The following REV3L variants were observed in gnomAD, a reference collection of about 807,000 sequenced individuals.
REV3L encodes REV3 like, DNA directed polymerase zeta catalytic subunit.
REV3L carries 69 observed loss-of-function variants against 299.4 expected under a neutral mutation model. The ratio of observed to expected loss-of-function variants is 0.23; its 90% CI spans 0.19 to 0.28. REV3L has a LOEUF of 0.28. Among genes scored for constraint, REV3L ranks in the 10% least tolerant of loss-of-function variants. REV3L has a pLI of 1.00. For missense variants in REV3L, 3,128 were observed against 3,693.8 expected, an observed-to-expected ratio of 0.85 and a Z score of 3.97; for synonymous variants, 1,238 against 1,271.4, an observed-to-expected ratio of 0.97 and a Z score of 0.56.
At position 111,375,438 on chromosome 6, in the gene REV3L, G is replaced by A. The variant is rs759498718; in HGVS notation, c.2917C>T (p.Pro973Ser). The change falls in exon 13 of 32, where the codon CCT (proline) becomes TCT (serine). Residue 973 changes from proline (P) to serine (S), a missense_variant. Pro to Ser is a moderately conservative substitution (Grantham distance 74). Transcript: ENST00000368802. ...ATAATAATATACTTTATGATGACAGGGGGCAGCTTTTTAGACATTTTTCTT... is the reference window on the plus strand; with the variant it reads ...ATAATAATATACTTTATGATGACAGAGGGCAGCTTTTTAGACATTTTTCTT... ...KRRKMSKKLP[P>S]VIIKYIIINR... 14 of 1,599,800 alleles carry A rather than the reference G, an allele frequency of 8.8e-6. No individual in the cohort carries two copies. The highest frequency in any genetic ancestry group is 9.4e-6 in the Non-Finnish European group (11 of 1,175,974).
At chr6:111,380,652 A>G (rs1477564718) in intron 10 of REV3L, among the ~76,000 whole-genome samples, 1 of 152,258 alleles carries the variant, frequency 6.6e-6, no homozygotes, top group East Asian at 1.9e-4. Flanking sequence ...GTTGGTACAA[A>G]GGCTCAGGTG....
At chr6:111,469,580 A>G (rs1791934033) in intron 1 of REV3L, among the ~76,000 whole-genome samples, 5 of 152,180 alleles carry the variant, frequency 3.3e-5, no homozygotes. Flanking sequence ...TGGCCTATGG[A>G]CAACAGAAAA....
chr6:111,346,131 T>C (rs1173837062), intron 20 of REV3L, among the ~76,000 whole-genome samples: 1 of 152,162 alleles, frequency 6.6e-6, no homozygotes, highest in Non-Finnish European at 1.5e-5. Flanking sequence ...TTCCTGTCTG[T>C]TACTATACTC....
At chr6:111,444,041 G>A (rs1788571988) in intron 1 of REV3L, among the ~76,000 whole-genome samples, 1 of 152,132 alleles carries the variant, frequency 6.6e-6, no homozygotes, top group Non-Finnish European at 1.5e-5. Context: ...TATAAAATAT[G>A]GGCAAACAAC....
intron 1 of REV3L, among the ~76,000 whole-genome samples, chr6:111,435,303 A>G (rs1787423990): frequency 6.6e-6 from 1 of 152,238 alleles, no homozygotes; most frequent in African/African-American, 2.4e-5. Flanking sequence ...CAGAAATAGA[A>G]AAAACAATCC....
intron 1 of REV3L, among the ~76,000 whole-genome samples, chr6:111,425,378 G>A (rs1786052556): frequency 1.3e-5 from 2 of 152,276 alleles, no homozygotes; most frequent in Admixed American, 1.3e-4. Flanking sequence ...AGAATGGCAC[G>A]AACCCGGCAG....
intron 26 of REV3L, among the ~76,000 whole-genome samples, chr6:111,318,370 C>T (rs921526703): frequency 3.3e-5 from 5 of 151,866 alleles, no homozygotes; most frequent in Admixed American, 2.6e-4. Context: ...GGATGGTCTC[C>T]ATCTGCCCGC....
chr6:111,364,680 T>C (rs965404672), intron 15 of REV3L, among the ~76,000 whole-genome samples: 1 of 152,022 alleles, frequency 6.6e-6, no homozygotes, highest in Non-Finnish European at 1.5e-5. Context: ...GTGGCCAATA[T>C]ATAAGTGATT....
At chr6:111,423,027 G>A in intron 1 of REV3L, among the ~76,000 whole-genome samples, 1 of 151,982 alleles carries the variant, frequency 6.6e-6, no homozygotes, top group East Asian at 1.9e-4. Context: ...ATGTGTCTTT[G>A]TATATACAGT....
rs142296789 is a variant in REV3L, at chr6:111,356,725, C to T, written c.7184+289G>A. ...CATTATTTCAGCACCACAGAAAAAC[C>T]AACCTCAAGTACAACTGGGAAGTTA... On this transcript the variant is annotated intron_variant, in intron 18 of 31. Transcript: ENST00000368802. 2.7e-3 allele frequency: 473 copies of T among 178,190 alleles called. 2 individuals are homozygous for T. Among genetic ancestry groups the T allele is most frequent in the African/African-American group, 0.01 (441 of 42,644 alleles). 11.0% of individuals were successfully genotyped at this position (178,190 alleles called of 1,614,324 possible).
chr6:111,353,080 A>G (rs562664525), intron 18 of REV3L, among the ~76,000 whole-genome samples: 30 of 152,324 alleles, frequency 2.0e-4, no homozygotes, highest in African/African-American at 7.0e-4. Context: ...GTTTTACATA[A>G]CTACTCATGA....
chr6:111,312,122 C>A (rs1480478317), intron 28 of REV3L: 1 of 152,136 alleles, frequency 6.6e-6, no homozygotes, highest in African/African-American at 2.4e-5. Context: ...TAAGTTAGTT[C>A]TAGGTGAAAG....
At chr6:111,439,576 T>G (rs1232948453) in intron 1 of REV3L, among the ~76,000 whole-genome samples, 1 of 152,236 alleles carries the variant, frequency 6.6e-6, no homozygotes, top group Non-Finnish European at 1.5e-5. Context: ...CCTCATGAGC[T>G]GCATGAAAAC....
Position 111,308,504 on chromosome 6 carries a change from T to C in REV3L, c.9043-934A>G, listed in dbSNP as rs537554124. On this transcript the variant is annotated intron_variant, in intron 30 of 31. Coordinates refer to ENST00000368802, the MANE Select transcript of REV3L (RefSeq NM_001372078.1). ...AAAAACAGAATGGTTGTATGGGTAC[T>C]TGAACTACGGTTTCTACAGAAGGCA... Among the ~76,000 whole-genome samples the C allele has an allele frequency of 7.9e-5, 12 of 152,344 alleles. No homozygotes were observed. The East Asian group carries it at 1.7e-3, about 22-fold the overall frequency.
chr6:111,433,005 A>G (rs925124826), intron 1 of REV3L, among the ~76,000 whole-genome samples: 1 of 152,224 alleles, frequency 6.6e-6, no homozygotes, highest in Non-Finnish European at 1.5e-5. Flanking sequence ...ACCAAAGGAA[A>G]TGAAAACACA....
rs139522548 is a variant in REV3L, at chr6:111,375,409, A to G, written c.2946T>C (p.Asn982=). ...GCATATTTTTTCTCCCTCTAAATCT[A>G]TTAATAATAATATACTTTATGATGA... ...PPVIIKYIII[N]RFRGRKNMLV... The change falls in exon 13 of 32, where the codon AAT becomes AAC. Residue 982 remains asparagine (N), a synonymous_variant. Transcript: ENST00000368802. 208 of 1,596,720 alleles carry G rather than the reference A, an allele frequency of 1.3e-4. No individual in the cohort carries two copies. In the African/African-American group the frequency reaches 2.6e-3, roughly 20 times the overall value.
upstream of REV3L, chr6:111,483,639 G>A (rs1423259602): frequency 9.2e-6 from 4 of 433,158 alleles, no homozygotes; most frequent in East Asian, 9.1e-5. Context: ...GGAGGCGGGG[G>A]CAGCCGCTGA....
Position 111,299,042 on chromosome 6 carries a change from A to ATAT in REV3L, c.*971_*973dup, listed in dbSNP as rs992898293. On this transcript the variant is annotated 3_prime_UTR_variant, in exon 32 of 32. Transcript: ENST00000368802. ...TGAAGTCACACTGCTATATTATTTT[A>ATAT]TATTTTATTCAATTTTAATATGGTT... 6.6e-6 allele frequency: 1 copy of ATAT among 152,428 alleles called. No individual in the cohort carries two copies. The highest frequency in any genetic ancestry group is 6.6e-5 in the Admixed American group (1 of 15,260). The allele number at this position is 152,428 out of a possible 1,614,324, so 9.4% of individuals were successfully genotyped here.
chr6:111,417,945 C>T (rs1784937958), intron 1 of REV3L, among the ~76,000 whole-genome samples: 1 of 152,158 alleles, frequency 6.6e-6, no homozygotes, highest in African/African-American at 2.4e-5. Flanking sequence ...TTTCTAAATA[C>T]AACATGGTAT....
Sources: gnomAD v4.1 joint callset for allele counts (sites outside exome capture counted in the v4.1 genomes callset) on GRCh38, gnomAD v4.1.1 for gene constraint, MANE v1.5 for transcripts, NCBI Gene and HGNC (gene_info 2026-07-23, HGNC 2026-07-21) for gene names.